Variants in EDEM3 observed in about 807,000 individuals in gnomAD.
EDEM3 encodes ER degradation enhancing alpha-mannosidase like protein 3, also known as ER degradation-enhancing alpha-mannosidase-like protein 3.
EDEM3 carries 60 observed loss-of-function variants against 110.2 expected under a neutral mutation model. The observed-to-expected ratio is 0.54, with a 90% CI of 0.44 to 0.67. EDEM3 has a LOEUF of 0.67. Ranked by LOEUF, EDEM3 falls within the 30% of genes least tolerant of loss-of-function variation. The pLI, the probability that EDEM3 is intolerant of heterozygous loss-of-function variation, is 0.00. For missense variants in EDEM3, 996 were observed against 1,121.0 expected (o/e 0.89, Z 1.59); for synonymous variants, 352 against 382.9 (o/e 0.92, Z 0.94).
chr1:184,695,596 C>A (rs554918229), intron 19 of EDEM3, among the ~76,000 whole-genome samples: 1 of 151,854 alleles, frequency 6.6e-6, no homozygotes, highest in South Asian at 2.1e-4. Context: ...AGAATAATGA[C>A]AAGAAAAAAA....
intron 1 of EDEM3, among the ~76,000 whole-genome samples, chr1:184,750,931 A>C (rs1396652333): frequency 6.6e-6 from 1 of 152,260 alleles, no homozygotes; most frequent in East Asian, 1.9e-4. Context: ...GTCATTTTTA[A>C]AACTATAATC....
In EDEM3 at chr1:184,711,828, G is replaced by A. The variant is rs764264125; in HGVS notation, c.1586C>T (p.Pro529Leu). The change falls in exon 15 of 20, where the codon CCA becomes CTA. Residue 529 changes from proline to leucine, a missense_variant. Coordinates refer to ENST00000318130, the MANE Select transcript of EDEM3 (RefSeq NM_025191.4). ...ATTAGGAAAGAGGATCTGAGTATTT[G>A]GACAAGTCCAATCGAAGTTACTGTC... ...LDDSNFDWTC[P>L]NTQILFPNDP... 22 of 1,613,110 alleles carry A rather than the reference G, an allele frequency of 1.4e-5. No individual in the cohort carries two copies. Among genetic ancestry groups the A allele is most frequent in the Non-Finnish European group, 1.7e-6 (2 of 1,179,504 alleles).
intron 3 of EDEM3, 75 bp from the exon 4 acceptor site, chr1:184,737,139 T>A (rs1651873726): frequency 8.1e-7 from 1 of 1,240,882 alleles, no homozygotes; most frequent in African/African-American, 1.5e-5. Flanking sequence ...TAGACTTATC[T>A]ACATTCTATT....
chr1:184,711,330 C>T (rs1203891593), intron 15 of EDEM3, among the ~76,000 whole-genome samples: 2 of 152,088 alleles, frequency 1.3e-5, no homozygotes, highest in Admixed American at 6.6e-5. Flanking sequence ...GAACTCCTGA[C>T]CTCAGGTGAT....
chr1:184,721,263 T>G (rs1650885078), intron 9 of EDEM3, 26 bp downstream of exon 9: 1 of 1,543,856 alleles, frequency 6.5e-7, no homozygotes, highest in Non-Finnish European at 8.8e-7. Flanking sequence ...AAGTTGATTA[T>G]AAAATATAAA....
intron 11 of EDEM3, among the ~76,000 whole-genome samples, chr1:184,718,196 T>C (rs1015866979): frequency 2.0e-5 from 3 of 152,040 alleles, no homozygotes; most frequent in Non-Finnish European, 4.4e-5. Flanking sequence ...TTAGCTTATA[T>C]TTTCTAAAAG....
intron 6 of EDEM3, among the ~76,000 whole-genome samples, chr1:184,727,812 G>A (rs1651273725): frequency 6.6e-6 from 1 of 152,042 alleles, no homozygotes; most frequent in Non-Finnish European, 1.5e-5. Flanking sequence ...ACTTTTGTAG[G>A]ATTAGCTAGT....
chr1:184,722,768 A>G (rs1650973973), intron 8 of EDEM3, among the ~76,000 whole-genome samples: 1 of 151,774 alleles, frequency 6.6e-6, no homozygotes, highest in Non-Finnish European at 1.5e-5. Context: ...TTTACATATA[A>G]ACAAGATAAG....
intron 16 of EDEM3, among the ~76,000 whole-genome samples, chr1:184,708,819 G>C (rs188532431): frequency 6.6e-6 from 1 of 152,204 alleles, no homozygotes; most frequent in Non-Finnish European, 1.5e-5. Context: ...TTTGTGTCTG[G>C]AGGAGAAAGA....
chr1:184,733,978 A>G (rs1235972376), intron 5 of EDEM3, among the ~76,000 whole-genome samples: 1 of 152,188 alleles, frequency 6.6e-6, no homozygotes, highest in African/African-American at 2.4e-5. Context: ...GAAGCTGACT[A>G]ATGTTCAACC....
In EDEM3 at chr1:184,693,604, A is replaced by G. The variant is rs1408730580; in HGVS notation, c.*459T>C. On this transcript the variant is annotated 3_prime_UTR_variant, in exon 20 of 20. Coordinates refer to ENST00000318130, the MANE Select transcript of EDEM3 (RefSeq NM_025191.4). ...TAGAGTGTTTTGTGAAGGCAGCATA[A>G]TCAGAATGCCACAATACTCGGATGC... 1 of 155,712 alleles carries G rather than the reference A, an allele frequency of 6.4e-6. No homozygotes were observed. Among genetic ancestry groups the G allele is most frequent in the Admixed American group, 6.3e-5 (1 of 15,862 alleles). 9.6% of individuals were successfully genotyped at this position (155,712 alleles called of 1,614,324 possible).
chr1:184,737,064 T>C lies in EDEM3; in HGVS notation c.306A>G (p.Lys102=), dbSNP rs1558066673. The C allele has an allele frequency of 1.3e-6, 2 of 1,574,344 alleles. No individual in the cohort carries two copies. The highest frequency in any genetic ancestry group is 2.3e-5 in the East Asian group (1 of 43,076). The change falls in exon 4 of 20, where the codon AAA becomes AAG. Residue 102 remains lysine, a splice_region_variant and synonymous_variant. Transcript: ENST00000318130. ...AAGAATCAATCAGTGTCAGAGAAAA[T>C]CTAAGAAACAAGCGTTAACAAGATA... ...SRGDVDDALG[K]FSLTLIDSLD... is the part of the protein sequence containing the mutation.
At position 184,754,837 on chromosome 1, in the gene EDEM3, T is replaced by G; in HGVS notation, c.-191A>C. On this transcript the variant is annotated 5_prime_UTR_variant, in exon 1 of 20. Transcript: ENST00000318130. ...CCCAGCGCCAGCGCTGCCACCGCCC[T>G]CCGCCCTCAGTATCCCGGAGCGCCT... is the stretch of plus-strand genomic sequence containing the variant. 1 of 924,532 alleles carries G rather than the reference T, an allele frequency of 1.1e-6. No homozygotes were observed. Among genetic ancestry groups the G allele is most frequent in the Admixed American group, 3.6e-5 (1 of 27,964 alleles). The allele number at this position is 924,532 out of a possible 1,614,324, so 57.3% of individuals were successfully genotyped here.
At chr1:184,739,186 C>T (rs570195394) in intron 2 of EDEM3, among the ~76,000 whole-genome samples, 1 of 150,520 alleles carries the variant, frequency 6.6e-6, no homozygotes, top group South Asian at 2.1e-4. Flanking sequence ...GATCTATTTG[C>T]CTATTCCTAC....
rs1422823030 is a variant in EDEM3, at chr1:184,754,764, C to G, written c.-118G>C. 7.3e-7 allele frequency: 1 copy of G among 1,378,760 alleles called. No individual in the cohort carries two copies. The highest frequency in any genetic ancestry group is 2.9e-5 in the East Asian group (1 of 33,956). The allele number at this position is 1,378,760 out of a possible 1,614,324, so 85.4% of individuals were successfully genotyped here. ...AGACGGGGCGGGATGCGGAGTAACA[C>G]GGACGGCCGCCGGCGCCAAACTGTT... On this transcript the variant is annotated 5_prime_UTR_variant, in exon 1 of 20. Transcript: ENST00000318130.
chr1:184,752,044 T>C (rs1652797815), intron 1 of EDEM3, among the ~76,000 whole-genome samples: 1 of 152,216 alleles, frequency 6.6e-6, no homozygotes, highest in Non-Finnish European at 1.5e-5. Context: ...TGAGCCACCA[T>C]GCCAGGCCAA....
intron 6 of EDEM3, 151 bp from the exon 7 acceptor site, chr1:184,726,540 T>G (rs1651204492): frequency 1.2e-6 from 1 of 855,630 alleles, no homozygotes; most frequent in African/African-American, 1.7e-5. Context: ...TCTCTGACTT[T>G]CCAATTAGCA....
chr1:184,754,050 A>G (rs999545429), intron 1 of EDEM3, among the ~76,000 whole-genome samples: 1 of 152,238 alleles, frequency 6.6e-6, no homozygotes, highest in African/African-American at 2.4e-5. Flanking sequence ...CTTTTCCGTA[A>G]CAGGTGTAAA....
chr1:184,706,520 T>C, intron 18 of EDEM3, 123 bp downstream of exon 18: 1 of 750,092 alleles, frequency 1.3e-6, no homozygotes. Flanking sequence ...CCTATCCTTG[T>C]TGTCTAGGTG....
Sources: allele counts gnomAD v4.1 joint callset (sites outside exome capture counted in the v4.1 genomes callset), GRCh38; gene constraint gnomAD v4.1.1; transcripts MANE v1.5; gene names NCBI Gene and HGNC (gene_info 2026-07-23, HGNC 2026-07-21).